Variants in MECOM observed in about 807,000 individuals in gnomAD.
MECOM encodes histone-lysine N-methyltransferase MECOM.
Under a neutral mutation model 116.3 loss-of-function variants are expected in MECOM, and 13 were observed. The observed-to-expected ratio is 0.11, with a 90% CI of 0.07 to 0.18. The LOEUF (loss-of-function observed/expected upper bound fraction) is 0.18. MECOM is among the 10% of genes least tolerant of loss of function. The probability of loss-of-function intolerance (pLI) is 1.00; values close to 1 mark genes in which losing one functional copy is unlikely to be tolerated. For synonymous variants in MECOM, 528 were observed against 535.2 expected, an observed-to-expected ratio of 0.99 and a Z score of 0.19; for missense variants, 1,299 against 1,509.0, an observed-to-expected ratio of 0.86 and a Z score of 2.31.
At chr3:169,570,599 T>A (rs1763775026) in intron 1 of MECOM, among the ~76,000 whole-genome samples, 1 of 152,198 alleles carries the variant, frequency 6.6e-6, no homozygotes, top group Non-Finnish European at 1.5e-5. Flanking sequence ...AGTAAAATAC[T>A]GGCAAACTGA....
intron 2 of MECOM, among the ~76,000 whole-genome samples, chr3:169,193,974 A>C (rs917274370): frequency 3.3e-5 from 5 of 152,072 alleles, no homozygotes; most frequent in Admixed American, 6.6e-5. Flanking sequence ...AAAGATAACA[A>C]ACTTTTCCTC....
chr3:169,195,360 G>A (rs888066017), intron 2 of MECOM, among the ~76,000 whole-genome samples: 17 of 152,062 alleles, frequency 1.1e-4, no homozygotes, highest in African/African-American at 4.1e-4. Flanking sequence ...GAAGACTGCA[G>A]TTTGTAGAAT....
chr3:169,121,273 G>C, intron 6 of MECOM, 64 bp from the exon 7 acceptor site: 2 of 1,469,448 alleles, frequency 1.4e-6, no homozygotes, highest in Non-Finnish European at 1.8e-6. Context: ...AAGAAGACCC[G>C]GGATGACTCA....
chr3:169,107,152 T>C (rs1725703751), intron 10 of MECOM, among the ~76,000 whole-genome samples: 2 of 152,170 alleles, frequency 1.3e-5, no homozygotes, highest in East Asian at 3.8e-4. Flanking sequence ...TGCTCATTCA[T>C]CAGAAATCAG....
chr3:169,105,040 A>C lies in MECOM; in HGVS notation c.2605-2814T>G, dbSNP rs551868168. 2.3e-4 allele frequency among the ~76,000 whole-genome samples: 35 copies of C among 152,262 alleles called. No individual in the cohort carries two copies. In the South Asian group the frequency reaches 7.1e-3, roughly 31 times the overall value. ...AAGAGGATTAAATTGGAGTGGGGAA[A>C]GGGAGGGAAAGACGATGGGAAGCGA... On this transcript the variant is annotated intron_variant, in intron 10 of 16. Coordinates refer to ENST00000651503, the MANE Select transcript of MECOM (RefSeq NM_004991.4).
intron 2 of MECOM, among the ~76,000 whole-genome samples, chr3:169,244,359 T>G (rs1379586859): frequency 6.6e-6 from 1 of 152,228 alleles, no homozygotes; most frequent in Non-Finnish European, 1.5e-5. Flanking sequence ...ATGCACAAGT[T>G]TGGGAGCCGG....
chr3:169,330,249 C>T (rs1222473470), intron 2 of MECOM, among the ~76,000 whole-genome samples: 3 of 152,078 alleles, frequency 2.0e-5, no homozygotes, highest in Non-Finnish European at 4.4e-5. Context: ...GTCTGGAACT[C>T]CTAGGCTCAA....
chr3:169,368,168 T>C (rs1283213261), intron 2 of MECOM, among the ~76,000 whole-genome samples: 1 of 152,050 alleles, frequency 6.6e-6, no homozygotes, highest in African/African-American at 2.4e-5. Context: ...TTCTACTAAT[T>C]AACATGCAGA....
At chr3:169,594,231 A>G (rs1422751001) in intron 1 of MECOM, among the ~76,000 whole-genome samples, 3 of 151,498 alleles carry the variant, frequency 2.0e-5, no homozygotes, top group East Asian at 3.9e-4. Context: ...ATGCTCTCTT[A>G]AAACTAGCTG....
At chr3:169,317,523 G>T (rs980255234) in intron 2 of MECOM, among the ~76,000 whole-genome samples, 1 of 152,142 alleles carries the variant, frequency 6.6e-6, no homozygotes. Context: ...ATTCATAATT[G>T]TCTCCATCCT....
At chr3:169,448,521 C>T (rs141604446) in intron 1 of MECOM, among the ~76,000 whole-genome samples, 1 of 152,122 alleles carries the variant, frequency 6.6e-6, no homozygotes, top group African/African-American at 2.4e-5. Context: ...ACTTCAAAGG[C>T]ACCTGTAAAT....
chr3:169,399,353 T>C (rs773400805), intron 1 of MECOM, among the ~76,000 whole-genome samples: 5 of 151,772 alleles, frequency 3.3e-5, no homozygotes, highest in Non-Finnish European at 5.9e-5. Context: ...GAAGCTCTCA[T>C]TTACAAAAGT....
intron 1 of MECOM, among the ~76,000 whole-genome samples, chr3:169,542,749 A>C (rs1254879578): frequency 6.6e-6 from 1 of 152,200 alleles, no homozygotes; most frequent in Non-Finnish European, 1.5e-5. Context: ...TAAAGAACAG[A>C]CAACTAGCAG....
intron 1 of MECOM, among the ~76,000 whole-genome samples, chr3:169,433,400 A>G (rs1467925591): frequency 6.6e-6 from 1 of 152,004 alleles, no homozygotes; most frequent in Non-Finnish European, 1.5e-5. Context: ...CTCAGGAGGC[A>G]GAGGTTGCAG....
At chr3:169,121,420 A>T (rs1730989712) in intron 6 of MECOM, among the ~76,000 whole-genome samples, 1 of 152,196 alleles carries the variant, frequency 6.6e-6, no homozygotes, top group Admixed American at 6.5e-5. Flanking sequence ...AGCATGGTGT[A>T]TCCACTGGTA....
intron 1 of MECOM, among the ~76,000 whole-genome samples, chr3:169,574,700 A>G (rs1346120763): frequency 2.0e-5 from 3 of 152,188 alleles, no homozygotes; most frequent in African/African-American, 7.2e-5. Flanking sequence ...GTATCATCTG[A>G]TATTCTTGAT....
intron 1 of MECOM, among the ~76,000 whole-genome samples, chr3:169,554,953 A>G (rs1176166658): frequency 6.6e-6 from 1 of 152,246 alleles, no homozygotes; most frequent in African/African-American, 2.4e-5. Flanking sequence ...AAGTCACTGA[A>G]TAACAGAGCC....
At chr3:169,176,135 A>G (rs1351515047) in intron 2 of MECOM, among the ~76,000 whole-genome samples, 3 of 149,406 alleles carry the variant, frequency 2.0e-5, no homozygotes, top group Non-Finnish European at 4.5e-5. Context: ...ACACACACAC[A>G]TACACACCAA....
chr3:169,549,326 T>G (rs1428845787), intron 1 of MECOM, among the ~76,000 whole-genome samples: 1 of 151,218 alleles, frequency 6.6e-6, no homozygotes, highest in Non-Finnish European at 1.5e-5. Context: ...GATTCAGGAG[T>G]GACCAAGAAA....
Sources: allele counts gnomAD v4.1 joint callset (sites outside exome capture counted in the v4.1 genomes callset), GRCh38; gene constraint gnomAD v4.1.1; transcripts MANE v1.5; gene names NCBI Gene and HGNC (gene_info 2026-07-23, HGNC 2026-07-21).